CTBP2: variants seen among roughly 807,000 people sequenced by gnomAD.
The protein encoded by CTBP2 is C-terminal-binding protein 2.
Under a neutral mutation model 80.3 loss-of-function variants are expected in CTBP2, and 30 were observed. The observed-to-expected ratio is 0.37, with a 90% CI of 0.28 to 0.51. CTBP2 has a LOEUF of 0.51. Among genes scored for constraint, CTBP2 ranks in the 20% least tolerant of loss-of-function variants. CTBP2 has a pLI of 0.93. For missense variants in CTBP2, 1,212 were observed against 1,375.3 expected, an observed-to-expected ratio of 0.88 and a Z score of 1.88; for synonymous variants, 594 against 587.4, an observed-to-expected ratio of 1.01 and a Z score of -0.16.
intron 2 of CTBP2, among the ~76,000 whole-genome samples, chr10:125,072,802 C>A (rs1357302329): frequency 6.6e-6 from 1 of 152,126 alleles, no homozygotes; most frequent in Non-Finnish European, 1.5e-5. Context: ...CACACAGGAT[C>A]TTGTAGCAGG....
At chr10:125,127,990 G>GAACATTCT in intron 1 of CTBP2, among the ~76,000 whole-genome samples, 1 of 152,316 alleles carries the variant, frequency 6.6e-6, no homozygotes, top group South Asian at 2.1e-4. Flanking sequence ...CCACTTAAGA[G>GAACATTCT]AACATTCTAG....
At chr10:125,064,282 TG>T (rs1844294783) in intron 2 of CTBP2, among the ~76,000 whole-genome samples, 1 of 152,206 alleles carries the variant, frequency 6.6e-6, no homozygotes, top group Non-Finnish European at 1.5e-5. Context: ...TAGACAACAA[TG>T]GATTGATCTT....
At chr10:125,055,925 GGGA>G (rs988048743) in intron 2 of CTBP2, among the ~76,000 whole-genome samples, 4 of 152,110 alleles carry the variant, frequency 2.6e-5, no homozygotes, top group African/African-American at 9.7e-5. Flanking sequence ...CCAGCACTTT[GGGA>G]GGCCGAGGTG....
intron 2 of CTBP2, among the ~76,000 whole-genome samples, chr10:125,059,975 G>A (rs913522205): frequency 7.2e-5 from 11 of 152,174 alleles, no homozygotes; most frequent in African/African-American, 2.7e-4. Context: ...GGTTAGCCAC[G>A]AGTCTGACAC....
At chr10:125,054,030 A>C (rs1022808986) in intron 2 of CTBP2, among the ~76,000 whole-genome samples, 1 of 152,058 alleles carries the variant, frequency 6.6e-6, no homozygotes, top group African/African-American at 2.4e-5. Flanking sequence ...CGTGCCCACA[A>C]AACAGTAGAG....
intron 2 of CTBP2, among the ~76,000 whole-genome samples, chr10:125,057,341 C>T (rs1336564868): frequency 6.6e-6 from 1 of 152,332 alleles, no homozygotes; most frequent in East Asian, 1.9e-4. Context: ...GAGACACACA[C>T]ATGGCTTAAC....
intron 2 of CTBP2, among the ~76,000 whole-genome samples, chr10:125,102,553 GTCC>G (rs1850797194): frequency 6.6e-6 from 1 of 152,246 alleles, no homozygotes; most frequent in African/African-American, 2.4e-5. Context: ...TCAATGTTGA[GTCC>G]TCCTTCCCAG....
intron 1 of CTBP2, among the ~76,000 whole-genome samples, chr10:125,141,844 G>A (rs138430186): frequency 3.3e-5 from 5 of 152,304 alleles, no homozygotes; most frequent in African/African-American, 7.2e-5. Flanking sequence ...ACATGCACAC[G>A]GTTAGCACAC....
At chr10:125,061,063 G>T (rs954830162) in intron 2 of CTBP2, among the ~76,000 whole-genome samples, 31 of 152,288 alleles carry the variant, frequency 2.0e-4, no homozygotes, top group African/African-American at 7.5e-4. Context: ...GGATTCCTGC[G>T]GTGGCAAACA....
At chr10:125,140,145 T>C (rs139582332) in intron 1 of CTBP2, among the ~76,000 whole-genome samples, 45 of 152,086 alleles carry the variant, frequency 3.0e-4, no homozygotes, top group African/African-American at 1.1e-3. Context: ...TTGGAGGGTA[T>C]GTTTCCATCA....
chr10:125,005,408 T>C, intron 1 of CTBP2: 2 of 803,412 alleles, frequency 2.5e-6, no homozygotes, highest in East Asian at 2.7e-5. Flanking sequence ...CAGTCACTCC[T>C]GCTGCTGCCC....
chr10:125,003,159 C>T, intron 2 of CTBP2, 55 bp from the exon 5 acceptor site: 2 of 1,609,104 alleles, frequency 1.2e-6, no homozygotes, highest in African/African-American at 2.7e-5. Context: ...CCCACCGGCA[C>T]CACTTGGCCT....
intron 1 of CTBP2, among the ~76,000 whole-genome samples, chr10:125,142,594 T>C (rs1019484446): frequency 1.3e-5 from 2 of 152,208 alleles, no homozygotes; most frequent in Non-Finnish European, 2.9e-5. Context: ...AACTGCATGC[T>C]AAAGGGTGTT....
At position 124,984,472 on chromosome 10, in the gene CTBP2, C is replaced by A. The variant is rs1451129861; in HGVS notation, c.*5046G>T. ...AACTTACCTTGTCATGTGTTTGAAG[C>A]TGTGGCTTGCCAGGATCAGTTTATT... is the stretch of plus-strand genomic sequence containing the variant. On this transcript the variant is annotated 3_prime_UTR_variant, in exon 9 of 9. Transcript: ENST00000309035. The A allele has an allele frequency of 1.6e-5, 5 of 307,710 alleles. No homozygotes were observed. Among genetic ancestry groups the A allele is most frequent in the Non-Finnish European group, 1.8e-5 (3 of 168,166 alleles). 19.1% of individuals were successfully genotyped at this position (307,710 alleles called of 1,614,324 possible). A position where few individuals can be genotyped will look rare whatever the true frequency, so the allele number is the denominator to read the frequency against.
At chr10:125,054,428 C>T (rs1198816320) in intron 2 of CTBP2, among the ~76,000 whole-genome samples, 2 of 152,172 alleles carry the variant, frequency 1.3e-5, no homozygotes, top group African/African-American at 2.4e-5. Flanking sequence ...AACCAAGGCC[C>T]TCAGTCCCAA....
intron 1 of CTBP2, among the ~76,000 whole-genome samples, chr10:125,148,388 A>AG (rs1486139424): frequency 2.0e-5 from 3 of 152,230 alleles, no homozygotes; most frequent in African/African-American, 7.2e-5. Flanking sequence ...GTGCTGCTGC[A>AG]GCCCCCTTCC....
At chr10:125,138,677 A>AC (rs1176061977) in intron 1 of CTBP2, among the ~76,000 whole-genome samples, 1 of 152,070 alleles carries the variant, frequency 6.6e-6, no homozygotes, top group Non-Finnish European at 1.5e-5. Context: ...AAAAAAAAAA[A>AC]AAAAAACAGA....
At position 125,067,054 on chromosome 10, in the gene CTBP2, T is replaced by C. The variant is rs554094614; in HGVS notation, c.-101-27899A>G. ...CCAGACACCCCCCACGTCCACCTGCTATGTGGGGCGATTCATTATTGGCCG... is the reference window on the plus strand; with the variant it reads ...CCAGACACCCCCCACGTCCACCTGCCATGTGGGGCGATTCATTATTGGCCG... On this transcript the variant is annotated intron_variant, in intron 2 of 10. Transcript: ENST00000337195. Among the ~76,000 whole-genome samples the C allele has an allele frequency of 3.3e-5, 5 of 152,326 alleles. No individual in the cohort carries two copies. The South Asian group carries it at 8.3e-4, about 25-fold the overall frequency.
chr10:125,147,948 T>TAAAGGC (rs1428571478), intron 1 of CTBP2, among the ~76,000 whole-genome samples: 2 of 152,166 alleles, frequency 1.3e-5, no homozygotes, highest in African/African-American at 4.8e-5. Context: ...AGGCCAGTTC[T>TAAAGGC]AAAGGCTTTA....
Sources: gnomAD v4.1 joint callset for allele counts (sites outside exome capture counted in the v4.1 genomes callset) on GRCh38, gnomAD v4.1.1 for gene constraint, MANE v1.5 for transcripts, NCBI Gene and HGNC (gene_info 2026-07-23, HGNC 2026-07-21) for gene names.